ROCK1: variants seen among roughly 807,000 people sequenced by gnomAD.
The protein encoded by ROCK1 is Rho associated coiled-coil containing protein kinase 1, also known as rho-associated protein kinase 1.
In ROCK1, 36 loss-of-function variants were observed where a neutral mutation model predicts 196.8. The observed-to-expected ratio is 0.18, with a 90% confidence interval of 0.14 to 0.24. The LOEUF is 0.24. Ranked by LOEUF, ROCK1 falls within the 10% of genes least tolerant of loss-of-function variation. The probability of loss-of-function intolerance (pLI) is 1.00; values close to 1 mark genes in which losing one functional copy is unlikely to be tolerated. For synonymous variants in ROCK1, 443 were observed against 515.9 expected, an observed-to-expected ratio of 0.86 and a Z score of 1.91; for missense variants, 920 against 1,562.0, an observed-to-expected ratio of 0.59 and a Z score of 6.93.
intron 13 of ROCK1, among the ~76,000 whole-genome samples, chr18:21,011,120 CT>C (rs2035813353): frequency 2.0e-5 from 3 of 152,176 alleles, no homozygotes; most frequent in Admixed American, 2.0e-4. Context: ...AAATCTACCC[CT>C]ACCACCTCTT....
intron 13 of ROCK1, among the ~76,000 whole-genome samples, chr18:21,009,865 A>G (rs1365431013): frequency 6.6e-6 from 1 of 152,228 alleles, no homozygotes; most frequent in Non-Finnish European, 1.5e-5. Context: ...TTTAAAAAGT[A>G]TGGATTCGCT....
chr18:20,960,524 A>G lies in ROCK1; in HGVS notation c.3353-318T>C, dbSNP rs143247498. On this transcript the variant is annotated intron_variant, in intron 27 of 32. Transcript: ENST00000399799. ...GCTTAAATGGGATATGATGTAGAAG[A>G]CTTTATCATTTAACATTCATATAAA... 4.2e-3 allele frequency: 882 copies of G among 212,160 alleles called. 37 individuals carry two copies. Among genetic ancestry groups the G allele is most frequent in the Admixed American group, 0.031 (550 of 17,492 alleles). The allele number at this position is 212,160 out of a possible 1,614,324, so 13.1% of individuals were successfully genotyped here. A position where few individuals can be genotyped will look rare whatever the true frequency, so the allele number is the denominator to read the frequency against.
At chr18:20,980,040 T>A in intron 21 of ROCK1, 36 bp from the exon 22 acceptor site, 2 of 1,487,166 alleles carry the variant, frequency 1.3e-6, no homozygotes, top group Non-Finnish European at 1.8e-6. Context: ...TAAGTGTTTA[T>A]GGTGGGTTAA....
In ROCK1 at chr18:20,970,387, A is replaced by G; in HGVS notation, c.2781T>C (p.Asn927=). The change falls in exon 23 of 33, where the codon AAT becomes AAC. Residue 927 remains asparagine, a synonymous_variant. Transcript: ENST00000399799. The stretch of plus-strand genomic sequence containing the variant: ...GATCTTTATCTGTAATCTCTTGTCT[A>G]TTTCTTGAAGCAGCTTTCTTGCTTT... ...TQESKKAASR[N]RQEITDKDHT... is the part of the protein sequence containing the mutation. The G allele has an allele frequency of 6.2e-7, 1 of 1,613,874 alleles. No individual in the cohort carries two copies. The highest frequency in any genetic ancestry group is 2.2e-5 in the East Asian group (1 of 44,852).
At chr18:21,106,614 G>A (rs779559218) in intron 1 of ROCK1, among the ~76,000 whole-genome samples, 2 of 152,098 alleles carry the variant, frequency 1.3e-5, no homozygotes, top group Non-Finnish European at 2.9e-5. Flanking sequence ...AAGGAAGTCC[G>A]GAAAAGAGAA....
At chr18:21,085,484 A>ATGAAGAAATGAGAAAAATGGC (rs1568405905) in intron 1 of ROCK1, among the ~76,000 whole-genome samples, 2 of 152,160 alleles carry the variant, frequency 1.3e-5, no homozygotes, top group African/African-American at 4.8e-5. Flanking sequence ...TTAATGGAAA[A>ATGAAGAAATGAGAAAAATGGC]TGAAGAAATG....
chr18:21,084,237 G>C (rs1184755335), intron 1 of ROCK1, among the ~76,000 whole-genome samples: 1 of 133,068 alleles, frequency 7.5e-6, no homozygotes, highest in Admixed American at 8.3e-5. Flanking sequence ...TTGTACATGA[G>C]ACCAAGAACA....
intron 20 of ROCK1, among the ~76,000 whole-genome samples, chr18:20,983,616 GAA>G (rs2035552817): frequency 6.6e-6 from 1 of 151,970 alleles, no homozygotes; most frequent in Admixed American, 6.6e-5. Flanking sequence ...GTGGCTGACA[GAA>G]AGTCTACACC....
chr18:20,949,397 G>A lies in ROCK1; in HGVS notation c.*1987C>T, dbSNP rs901723981. ...ACAGCAAAAGCAGCATAAGTTTCAC[G>A]TTCCATCAGTTCCCTTTGCCCTCCA... On this transcript the variant is annotated 3_prime_UTR_variant, in exon 33 of 33. Transcript: ENST00000399799. 49 of 152,404 alleles carry A rather than the reference G, an allele frequency of 3.2e-4. No individual in the cohort carries two copies. The highest frequency in any genetic ancestry group is 5.9e-5 in the Non-Finnish European group (4 of 68,182). 9.4% of individuals were successfully genotyped at this position (152,404 alleles called of 1,614,324 possible). A position where few individuals can be genotyped will look rare whatever the true frequency, so the allele number is the denominator to read the frequency against.
chr18:20,997,774 T>C (rs756545057), intron 16 of ROCK1, among the ~76,000 whole-genome samples: 2 of 151,948 alleles, frequency 1.3e-5, no homozygotes, highest in African/African-American at 2.4e-5. Context: ...AAAGTAAAAT[T>C]ATATCATGTA....
chr18:21,007,960 G>C (rs1411508372), intron 14 of ROCK1, 99 bp downstream of exon 14: 6 of 782,766 alleles, frequency 7.7e-6, no homozygotes, highest in Non-Finnish European at 5.6e-6. Context: ...AAGTGTCTTA[G>C]GATTGTAGCT....
intron 20 of ROCK1, among the ~76,000 whole-genome samples, chr18:20,983,185 G>A (rs1309302426): frequency 1.3e-5 from 2 of 150,766 alleles, no homozygotes; most frequent in African/African-American, 4.9e-5. Flanking sequence ...AAAATGTCTT[G>A]TACAGTAAAT....
chr18:21,049,112 T>C lies in ROCK1; in HGVS notation c.394A>G (p.Asn132Asp). ...CATACCTGAACAACCCAAGGACTGTTGGCAAAAGCCATGATGTCCCTTTCT... is the reference window on the plus strand; with the variant it reads ...CATACCTGAACAACCCAAGGACTGTCGGCAAAAGCCATGATGTCCCTTTCT... ...WEERDIMAFA[N>D]SPWVVQLFYA... Residue 132 changes from asparagine (N) to aspartate (D), a missense_variant, in exon 4 of 33, where the codon AAC becomes GAC. Physicochemically the swap from Asn to Asp is conservative, Grantham distance 23. Transcript: ENST00000399799. The C allele has an allele frequency of 1.2e-6, 2 of 1,610,968 alleles. No individual in the cohort carries two copies. Among genetic ancestry groups the C allele is most frequent in the Non-Finnish European group, 1.7e-6 (2 of 1,178,214 alleles).
At chr18:21,056,794 T>C (rs1598546540) in intron 2 of ROCK1, among the ~76,000 whole-genome samples, 2 of 152,302 alleles carry the variant, frequency 1.3e-5, no homozygotes, top group East Asian at 3.9e-4. Flanking sequence ...CCCCCTTGCC[T>C]AATCCTCTCC....
At chr18:21,089,385 G>A (rs1157006422) in intron 1 of ROCK1, among the ~76,000 whole-genome samples, 1 of 152,146 alleles carries the variant, frequency 6.6e-6, no homozygotes, top group African/African-American at 2.4e-5. Context: ...TTGGGAAGAA[G>A]AATGGCATTA....
chr18:21,004,946 A>C (rs1267033115), intron 16 of ROCK1, among the ~76,000 whole-genome samples: 1 of 152,152 alleles, frequency 6.6e-6, no homozygotes, highest in Non-Finnish European at 1.5e-5. Flanking sequence ...CCTTAGTCAC[A>C]AAAACTGACC....
chr18:21,048,838 T>C (rs534829547), intron 4 of ROCK1, among the ~76,000 whole-genome samples: 1 of 152,172 alleles, frequency 6.6e-6, no homozygotes, highest in Non-Finnish European at 1.5e-5. Context: ...GCATGAGCCA[T>C]CACGCCCAGC....
rs186581970 is a variant in ROCK1 at position 21,030,295 on chromosome 18, G to A, written c.1052-1360C>T. ...TCAGAGACACTTTTGCCTGCTGGAA[G>A]GTGTTCAGCAATGTCTGGGTACATA... On this transcript the variant is annotated intron_variant, in intron 9 of 32. Transcript: ENST00000399799. 7.9e-5 allele frequency among the ~76,000 whole-genome samples: 12 copies of A among 152,258 alleles called. No homozygotes were observed. In the Middle Eastern group the frequency reaches 0.01, roughly 129 times the overall value.
intron 29 of ROCK1, among the ~76,000 whole-genome samples, chr18:20,959,087 TTA>T (rs2035290310): frequency 3.3e-5 from 1 of 30,320 alleles, no homozygotes; most frequent in Non-Finnish European, 4.9e-5. Flanking sequence ...TATATATATT[TTA>T]TATAATATAT....
Sources: gnomAD v4.1 joint callset for allele counts (sites outside exome capture counted in the v4.1 genomes callset) on GRCh38, gnomAD v4.1.1 for gene constraint, MANE v1.5 for transcripts, NCBI Gene and HGNC (gene_info 2026-07-23, HGNC 2026-07-21) for gene names.